Variants in HELQ observed in about 807,000 individuals in gnomAD.
HELQ encodes helicase, POLQ like.
Under a neutral mutation model 111.6 loss-of-function variants are expected in HELQ, and 77 were observed. That is an observed-to-expected ratio of 0.69 (90% confidence interval 0.57 to 0.83). HELQ has a LOEUF of 0.83. Among genes scored for constraint, HELQ ranks in the 40% least tolerant of loss-of-function variants. The pLI, the probability that HELQ is intolerant of heterozygous loss-of-function variation, is 0.00. For missense variants in HELQ, 1,200 were observed against 1,288.5 expected, an observed-to-expected ratio of 0.93 and a Z score of 1.05; for synonymous variants, 438 against 454.7, an observed-to-expected ratio of 0.96 and a Z score of 0.47.
intron 17 of HELQ, among the ~76,000 whole-genome samples, chr4:83,412,304 A>G (rs780589157): frequency 6.6e-6 from 1 of 152,218 alleles, no homozygotes; most frequent in Non-Finnish European, 1.5e-5. Flanking sequence ...AAGGTGTATC[A>G]CTCACACTCG....
rs566280742 is a variant in HELQ, at chr4:83,410,600, A to C, written c.3199-3040T>G. Among the ~76,000 whole-genome samples, 168 of 152,314 alleles carry C rather than the reference A, an allele frequency of 1.1e-3. No homozygotes were observed. In the Middle Eastern group the frequency reaches 0.014, roughly 12 times the overall value. On this transcript the variant is annotated intron_variant, in intron 17 of 17. Coordinates refer to ENST00000295488, the MANE Select transcript of HELQ (RefSeq NM_133636.5). Reference sequence around the variant, plus strand: ...CAAATATGAAAAAGAGGAAGACTATATAGCAAGTCCTGTATGGGATTAGTG... The same window carrying C: ...CAAATATGAAAAAGAGGAAGACTATCTAGCAAGTCCTGTATGGGATTAGTG...
intron 9 of HELQ, among the ~76,000 whole-genome samples, chr4:83,434,848 G>A (rs115807941): frequency 0.012 from 1,765 of 152,130 alleles, 29 homozygotes; most frequent in African/African-American, 0.041. Flanking sequence ...AAAGAGATAC[G>A]AAAGCTGAAT....
intron 15 of HELQ, among the ~76,000 whole-genome samples, chr4:83,419,494 T>G (rs1196538091): frequency 6.8e-6 from 1 of 146,628 alleles, no homozygotes; most frequent in South Asian, 2.1e-4. Flanking sequence ...ATTATATAAT[T>G]ATGATATATA....
intron 12 of HELQ, among the ~76,000 whole-genome samples, chr4:83,428,637 A>G (rs1236070048): frequency 6.6e-6 from 1 of 152,122 alleles, no homozygotes; most frequent in Middle Eastern, 3.2e-3. Context: ...TCTCTAAGAC[A>G]TTATATTCAG....
intron 14 of HELQ, among the ~76,000 whole-genome samples, chr4:83,425,224 GACCC>G (rs1267865044): frequency 6.8e-6 from 1 of 146,758 alleles, no homozygotes; most frequent in African/African-American, 2.6e-5. Context: ...AGGTGTCAGT[GACCC>G]AAGATCATGC....
At position 83,438,748 on chromosome 4, in the gene HELQ, G is replaced by GAAAA. The variant is rs200715200; in HGVS notation, c.1808+1111_1808+1114dup. Among the ~76,000 whole-genome samples, 3 of 104,284 alleles carry GAAAA rather than the reference G, an allele frequency of 2.9e-5. 1 individual carries two copies. Among genetic ancestry groups the GAAAA allele is most frequent in the Admixed American group, 1.9e-4 (2 of 10,382 alleles). 68.4% of individuals were successfully genotyped at this position (104,284 alleles called of 152,430 possible). Reference sequence around the variant, plus strand: ...GTGACAGAGTGAGACCCTGTCTCAGGAAAAAAAAAAAAAAAAAAGGAAAAG... The same window carrying GAAAA: ...GTGACAGAGTGAGACCCTGTCTCAGGAAAAAAAAAAAAAAAAAAAAAAGGAAAAG... On this transcript the variant is annotated intron_variant, in intron 8 of 17. Transcript: ENST00000295488.
At chr4:83,455,850 A>G (rs967304502), upstream of HELQ, 7 of 799,880 alleles carry the variant, frequency 8.8e-6, no homozygotes, top group Non-Finnish European at 1.0e-5. Context: ...AAGCACGCAT[A>G]AACTTCTACC....
chr4:83,455,403 T>A lies in HELQ; in HGVS notation c.291A>T (p.Gly97=). Residue 97 remains glycine, a synonymous_variant, in exon 1 of 18, where the codon GGA becomes GGT. Coordinates refer to ENST00000295488, the MANE Select transcript of HELQ (RefSeq NM_133636.5). ...AGTTCCAAGTCCTCCGTACCTGGTC[T>A]CCCACCCCTCTGTCAGTGGGCATGT... ...LRHMPTDRGV[G]DQPNDSEVDM... is the part of the protein sequence containing the mutation. 1 of 1,610,434 alleles carries A rather than the reference T, an allele frequency of 6.2e-7. No homozygotes were observed. The highest frequency in any genetic ancestry group is 2.2e-5 in the East Asian group (1 of 44,772).
chr4:83,452,339 G>T (rs1290676606), intron 2 of HELQ, among the ~76,000 whole-genome samples: 1 of 152,000 alleles, frequency 6.6e-6, no homozygotes, highest in East Asian at 1.9e-4. Flanking sequence ...GTGGCCCAAG[G>T]AAGCCAAAAG....
chr4:83,447,348 AAAAT>A (rs1457746108), intron 3 of HELQ, among the ~76,000 whole-genome samples: 2 of 152,024 alleles, frequency 1.3e-5, no homozygotes, highest in South Asian at 2.1e-4. Flanking sequence ...CCCTGACTCA[AAAAT>A]AAATAAATAA....
Position 83,455,710 on chromosome 4 carries a change from C to T in HELQ, c.-17G>A. On this transcript the variant is annotated 5_prime_UTR_variant, in exon 1 of 18. Coordinates refer to ENST00000295488, the MANE Select transcript of HELQ (RefSeq NM_133636.5). ...TTCATCCATGGCAAGGACCCAGGGCCCTATTCAGACGTCGTTCTCAGTGAC... is the reference window on the plus strand; with the variant it reads ...TTCATCCATGGCAAGGACCCAGGGCTCTATTCAGACGTCGTTCTCAGTGAC... 6.3e-7 allele frequency: 1 copy of T among 1,593,752 alleles called. No individual in the cohort carries two copies. Among genetic ancestry groups the T allele is most frequent in the Non-Finnish European group, 8.5e-7 (1 of 1,177,016 alleles).
chr4:83,448,997 C>T (rs1175195356), intron 2 of HELQ, 36 bp from the exon 3 acceptor site: 2 of 1,461,620 alleles, frequency 1.4e-6, no homozygotes, highest in South Asian at 1.3e-5. Context: ...TTATTTTCCC[C>T]TTCCAAACTT....
At chr4:83,438,531 A>C (rs1438401858) in intron 8 of HELQ, among the ~76,000 whole-genome samples, 1 of 152,078 alleles carries the variant, frequency 6.6e-6, no homozygotes, top group Non-Finnish European at 1.5e-5. Flanking sequence ...GCTTGAGCTC[A>C]GGAGTTCGAA....
At chr4:83,426,272 C>T (rs1348826039) in intron 13 of HELQ, among the ~76,000 whole-genome samples, 180 bp from the exon 14 acceptor site, 1 of 152,074 alleles carries the variant, frequency 6.6e-6, no homozygotes, top group Admixed American at 6.6e-5. Context: ...ATATAACACA[C>T]TTTAGAATTA....
rs1324117458 is a variant in HELQ at position 83,407,384 on chromosome 4, T to G, written c.*69A>C. On this transcript the variant is annotated 3_prime_UTR_variant, in exon 18 of 18. Coordinates refer to ENST00000295488, the MANE Select transcript of HELQ (RefSeq NM_133636.5). ...GAAATGTATTTTTTCATTTATAAAGTATAAGTTATCTTTAATAACACACAT... is the reference window on the plus strand; with the variant it reads ...GAAATGTATTTTTTCATTTATAAAGGATAAGTTATCTTTAATAACACACAT... 1.0e-6 allele frequency: 1 copy of G among 972,826 alleles called. No individual in the cohort carries two copies. Among genetic ancestry groups the G allele is most frequent in the African/African-American group, 1.7e-5 (1 of 58,626 alleles). 60.3% of individuals were successfully genotyped at this position (972,826 alleles called of 1,614,324 possible).
Position 83,421,567 on chromosome 4 carries a change from C to T in HELQ, c.2945G>A (p.Cys982Tyr). 4 of 1,610,192 alleles carry T rather than the reference C, an allele frequency of 2.5e-6. No homozygotes were observed. The highest frequency in any genetic ancestry group is 3.4e-6 in the Non-Finnish European group (4 of 1,177,846). Residue 982 changes from cysteine to tyrosine, a missense_variant, in exon 15 of 18, where the codon TGT (cysteine) becomes TAT (tyrosine). Cys to Tyr is a radical substitution (Grantham distance 194). This residue lies in a region of HELQ where 585 missense variants were observed against 665.3 expected (regional missense o/e 0.88). Coordinates refer to ENST00000295488, the MANE Select transcript of HELQ (RefSeq NM_133636.5). The stretch of plus-strand genomic sequence containing the variant: ...TCATATATTCAATGAAATTACCTCA[C>T]AGAAATGTAACACACAAGATGAGAA... ...ASFSSCVLHF[C>Y]EELEEFWVYR...
chr4:83,433,442 C>T (rs1348923160), intron 9 of HELQ, among the ~76,000 whole-genome samples: 3 of 151,668 alleles, frequency 2.0e-5, no homozygotes, highest in Admixed American at 2.0e-4. Context: ...CTGAGGGGGG[C>T]GGATCACGAG....
chr4:83,430,352 G>C (rs1043952245), intron 11 of HELQ, among the ~76,000 whole-genome samples: 3 of 150,962 alleles, frequency 2.0e-5, no homozygotes, highest in Non-Finnish European at 4.4e-5. Flanking sequence ...AACAGCGTCA[G>C]ACAATATTTT....
intron 2 of HELQ, among the ~76,000 whole-genome samples, chr4:83,451,673 C>A (rs577649796): frequency 0.033 from 4,417 of 132,070 alleles, 250 homozygotes; most frequent in African/African-American, 0.18. Context: ...CAAAAAAAAA[C>A]AAAAAAACAA....
Sources: gnomAD v4.1 joint callset for allele counts (sites outside exome capture counted in the v4.1 genomes callset) on GRCh38, gnomAD v4.1.1 for gene constraint, gnomAD v4.1.1 regional missense constraint, MANE v1.5 for transcripts, NCBI Gene and HGNC (gene_info 2026-07-23, HGNC 2026-07-21) for gene names.